The following BTBD9 variants were observed in gnomAD, a reference collection of about 807,000 sequenced individuals.
BTBD9 encodes BTB/POZ domain-containing protein 9.
In BTBD9, 49 loss-of-function variants were observed where a neutral mutation model predicts 64.3. The ratio of observed to expected loss-of-function variants is 0.76; its 90% CI spans 0.61 to 0.97. The LOEUF (loss-of-function observed/expected upper bound fraction) is 0.97. BTBD9 is among the 50% of genes least tolerant of loss of function. The pLI is 0.00. For missense variants in BTBD9, 598 were observed against 762.1 expected, an observed-to-expected ratio of 0.78 and a Z score of 2.53; for synonymous variants, 260 against 274.7, an observed-to-expected ratio of 0.95 and a Z score of 0.53.
intron 7 of BTBD9, among the ~76,000 whole-genome samples, chr6:38,319,703 T>C (rs1763162283): frequency 6.6e-6 from 1 of 151,520 alleles, no homozygotes. Context: ...TCTCCTCTCC[T>C]CAAGCAGAAG....
intron 7 of BTBD9, among the ~76,000 whole-genome samples, chr6:38,333,658 G>A (rs549429798): frequency 7.9e-5 from 12 of 152,130 alleles, no homozygotes; most frequent in Middle Eastern, 3.4e-3. Context: ...TTTTCCCTTC[G>A]CCTTTTGCCA....
At chr6:38,215,768 G>A (rs539426285) in intron 9 of BTBD9, among the ~76,000 whole-genome samples, 2 of 152,326 alleles carry the variant, frequency 1.3e-5, no homozygotes, top group Admixed American at 1.3e-4. Flanking sequence ...TGTAGAGACA[G>A]ATGAAATTTC....
intron 6 of BTBD9, among the ~76,000 whole-genome samples, chr6:38,440,750 T>C (rs1768990964): frequency 6.6e-6 from 1 of 152,232 alleles, no homozygotes; most frequent in African/African-American, 2.4e-5. Flanking sequence ...TACTTTATAA[T>C]GCATTAGGGC....
At chr6:38,324,890 A>G (rs922903273) in intron 7 of BTBD9, among the ~76,000 whole-genome samples, 2 of 152,198 alleles carry the variant, frequency 1.3e-5, no homozygotes, top group Non-Finnish European at 2.9e-5. Flanking sequence ...CAGGAAGCTG[A>G]AGACAACCTA....
chr6:38,434,161 G>C (rs892092587), intron 6 of BTBD9, among the ~76,000 whole-genome samples: 4 of 151,932 alleles, frequency 2.6e-5, no homozygotes, highest in Non-Finnish European at 5.9e-5. Context: ...AAAAAATTTT[G>C]TGGGGCAAAA....
At chr6:38,390,947 T>C (rs1314433295) in intron 6 of BTBD9, among the ~76,000 whole-genome samples, 1 of 152,228 alleles carries the variant, frequency 6.6e-6, no homozygotes, top group Non-Finnish European at 1.5e-5. Flanking sequence ...AGTACATACC[T>C]TCCACTCTAG....
intron 1 of BTBD9, among the ~76,000 whole-genome samples, chr6:38,604,506 C>CG (rs1777359373): frequency 6.6e-6 from 1 of 152,020 alleles, no homozygotes; most frequent in African/African-American, 2.4e-5. Context: ...CAGTGCTAGG[C>CG]GACAGAAACA....
intron 7 of BTBD9, among the ~76,000 whole-genome samples, chr6:38,341,987 C>T (rs1306660958): frequency 2.0e-5 from 3 of 152,124 alleles, no homozygotes; most frequent in Non-Finnish European, 4.4e-5. Context: ...GACACACAGT[C>T]ATAAAAATGG....
chr6:38,176,166 G>A (rs1484269757), intron 10 of BTBD9, among the ~76,000 whole-genome samples: 1 of 152,200 alleles, frequency 6.6e-6, no homozygotes, highest in African/African-American at 2.4e-5. Context: ...AGGAGAGAAG[G>A]GCGGGGTGGG....
At chr6:38,228,341 TCC>T (rs756495862) in intron 9 of BTBD9, among the ~76,000 whole-genome samples, 1 of 66,922 alleles carries the variant, frequency 1.5e-5, no homozygotes, top group African/African-American at 6.5e-5. Flanking sequence ...CAAGACCCTG[TCC>T]CCCCCCCCAA....
At chr6:38,426,546 C>T (rs758432136) in intron 6 of BTBD9, among the ~76,000 whole-genome samples, 2 of 151,870 alleles carry the variant, frequency 1.3e-5, no homozygotes, top group Non-Finnish European at 2.9e-5. Context: ...GTTTTGCCGC[C>T]GTCGCAGACC....
At chr6:38,342,589 A>G (rs1004059593) in intron 7 of BTBD9, among the ~76,000 whole-genome samples, 1 of 151,660 alleles carries the variant, frequency 6.6e-6, no homozygotes, top group African/African-American at 2.4e-5. Flanking sequence ...ACTTATGATG[A>G]CATTATCTTA....
intron 6 of BTBD9, among the ~76,000 whole-genome samples, chr6:38,436,392 T>TTTTTTA (rs1582427240): frequency 6.7e-6 from 1 of 150,092 alleles, no homozygotes; most frequent in Non-Finnish European, 1.5e-5. Flanking sequence ...TTTTTTTTTT[T>TTTTTTA]GAGACGGAGT....
chr6:38,587,555 T>TCCCTTTTCTTCC, intron 4 of BTBD9: 1 of 578,554 alleles, frequency 1.7e-6, no homozygotes, highest in East Asian at 4.2e-5. Flanking sequence ...GATCTTTCCT[T>TCCCTTTTCTTCC]TGCAATTCAG....
At chr6:38,413,423 T>C (rs1455860065) in intron 6 of BTBD9, among the ~76,000 whole-genome samples, 1 of 152,248 alleles carries the variant, frequency 6.6e-6, no homozygotes, top group Admixed American at 6.5e-5. Flanking sequence ...TTTTAAGAGC[T>C]GGCATCCAAT....
chr6:38,564,465 T>C (rs1248205210), intron 6 of BTBD9, among the ~76,000 whole-genome samples: 1 of 152,206 alleles, frequency 6.6e-6, no homozygotes, highest in African/African-American at 2.4e-5. Context: ...GCTAAATGAA[T>C]ACATGGGATT....
chr6:38,340,129 T>C (rs1764042523), intron 7 of BTBD9, among the ~76,000 whole-genome samples: 1 of 152,240 alleles, frequency 6.6e-6, no homozygotes, highest in Non-Finnish European at 1.5e-5. Context: ...AGTGTCAGCA[T>C]ATACTCATGA....
chr6:38,248,197 T>A (rs980482515), intron 9 of BTBD9, among the ~76,000 whole-genome samples: 2 of 152,182 alleles, frequency 1.3e-5, no homozygotes, highest in African/African-American at 4.8e-5. Flanking sequence ...GCAGCATCAT[T>A]TTTAATAAAC....
At chr6:38,472,332 A>G (rs1224946122) in intron 6 of BTBD9, among the ~76,000 whole-genome samples, 1 of 152,218 alleles carries the variant, frequency 6.6e-6, no homozygotes, top group Non-Finnish European at 1.5e-5. Flanking sequence ...ACTGTAAATT[A>G]CTGGCCTAAA....
Sources: gnomAD v4.1 joint callset for allele counts (sites outside exome capture counted in the v4.1 genomes callset) on GRCh38, gnomAD v4.1.1 for gene constraint, MANE v1.5 for transcripts, NCBI Gene and HGNC (gene_info 2026-07-23, HGNC 2026-07-21) for gene names.